KRAS: variants seen among roughly 807,000 people sequenced by gnomAD.
KRAS encodes the protein KRas proto-oncogene, GTPase, also known as GTPase KRas.
KRAS carries 1 observed loss-of-function variant against 21.0 expected under a neutral mutation model. That is an observed-to-expected ratio of 0.05 (90% confidence interval 0.02 to 0.23). The LOEUF is 0.23. Among genes scored for constraint, KRAS ranks in the 10% least tolerant of loss-of-function variants. The probability of loss-of-function intolerance (pLI) is 1.00; values close to 1 mark genes in which losing one functional copy is unlikely to be tolerated. For missense variants in KRAS, 107 were observed against 221.8 expected, an observed-to-expected ratio of 0.48 and a Z score of 3.29; for synonymous variants, 67 against 72.5, an observed-to-expected ratio of 0.92 and a Z score of 0.39.
At chr12:25,239,564 T>C (rs777167967) in intron 2 of KRAS, among the ~76,000 whole-genome samples, 2 of 152,200 alleles carry the variant, frequency 1.3e-5, no homozygotes, top group Non-Finnish European at 1.5e-5. Context: ...CACAAGTGTA[T>C]AGTTTAGCAT....
chr12:25,218,174 G>T (rs1219547870), intron 4 of KRAS, among the ~76,000 whole-genome samples: 1 of 151,162 alleles, frequency 6.6e-6, no homozygotes, highest in Admixed American at 6.6e-5. Flanking sequence ...CACAAACCAG[G>T]TAAAAGCTCA....
intron 4 of KRAS, among the ~76,000 whole-genome samples, chr12:25,220,493 C>T (rs1276215518): frequency 1.3e-5 from 2 of 152,254 alleles, no homozygotes; most frequent in Admixed American, 1.3e-4. Flanking sequence ...CTTTGGGAGG[C>T]CGAGACGGGC....
intron 4 of KRAS, among the ~76,000 whole-genome samples, chr12:25,217,784 C>T (rs542079145): frequency 1.2e-3 from 181 of 152,280 alleles, no homozygotes; most frequent in African/African-American, 4.3e-3. Flanking sequence ...GTCCCAGCTA[C>T]TCAAAAGGCT....
intron 3 of KRAS, among the ~76,000 whole-genome samples, chr12:25,226,812 G>T (rs1057371518): frequency 6.6e-6 from 1 of 152,096 alleles, no homozygotes; most frequent in Non-Finnish European, 1.5e-5. Flanking sequence ...AATATATAAT[G>T]CCACTGTTTA....
At chr12:25,226,619 T>G (rs1287884190) in intron 3 of KRAS, among the ~76,000 whole-genome samples, 1 of 152,240 alleles carries the variant, frequency 6.6e-6, no homozygotes, top group Non-Finnish European at 1.5e-5. Flanking sequence ...CTCGTTATTA[T>G]ATGACATAGC....
At position 25,240,062 on chromosome 12, in the gene KRAS, T is replaced by G. The variant is rs2135799806; in HGVS notation, c.111+5212A>C. 2.0e-5 allele frequency among the ~76,000 whole-genome samples: 3 copies of G among 152,192 alleles called. No individual in the cohort carries two copies. In the South Asian group the frequency reaches 6.2e-4, roughly 32 times the overall value. On this transcript the variant is annotated intron_variant, in intron 2 of 4. Coordinates refer to ENST00000311936, the MANE Select transcript of KRAS (RefSeq NM_004985.5). ...TTTCAATGTTTTATTTTGAAAAAAT[T>G]TCAAACCTATAGAAAAGTAGTAAAA...
chr12:25,227,674 C>G (rs992821877), intron 2 of KRAS, among the ~76,000 whole-genome samples: 2 of 151,154 alleles, frequency 1.3e-5, no homozygotes, highest in East Asian at 3.9e-4. Context: ...ATTAAAAAAA[C>G]AAAACAAAAA....
intron 3 of KRAS, 99 bp from the exon 4 acceptor site, chr12:25,225,872 C>T (rs2141506899): frequency 8.9e-7 from 1 of 1,119,270 alleles, no homozygotes; most frequent in Non-Finnish European, 1.3e-6. Flanking sequence ...TGAAAGAAAA[C>T]AATGTAATTC....
At chr12:25,223,090 A>G (rs1951348610) in intron 4 of KRAS, among the ~76,000 whole-genome samples, 1 of 152,228 alleles carries the variant, frequency 6.6e-6, no homozygotes, top group African/African-American at 2.4e-5. Context: ...ATAAGAAAAT[A>G]TAAGAAGCAC....
At chr12:25,244,213 G>C (rs1951647676) in intron 2 of KRAS, among the ~76,000 whole-genome samples, 1 of 152,140 alleles carries the variant, frequency 6.6e-6, no homozygotes, top group African/African-American at 2.4e-5. Flanking sequence ...CTTGGAACTT[G>C]AAGAAAGTTC....
intron 2 of KRAS, among the ~76,000 whole-genome samples, chr12:25,239,106 T>A (rs1951578263): frequency 6.6e-6 from 1 of 152,372 alleles, no homozygotes; most frequent in Middle Eastern, 3.4e-3. Flanking sequence ...ATTTATTGTT[T>A]GAACTTGCAT....
At chr12:25,233,690 T>C (rs903006690) in intron 2 of KRAS, 7 of 210,098 alleles carry the variant, frequency 3.3e-5, no homozygotes, top group Non-Finnish European at 6.8e-5. Flanking sequence ...GTCTATATCC[T>C]CTACTAGGCT....
At chr12:25,225,863 G>C (rs1951386184) in intron 3 of KRAS, 90 bp from the exon 4 acceptor site, 5 of 1,259,624 alleles carry the variant, frequency 4.0e-6, no homozygotes, top group Non-Finnish European at 4.5e-6. Flanking sequence ...AAATTTGGCT[G>C]AAAGAAAACA....
At chr12:25,216,727 G>T (rs1326383691) in intron 4 of KRAS, among the ~76,000 whole-genome samples, 6 of 152,170 alleles carry the variant, frequency 3.9e-5, no homozygotes, top group Admixed American at 2.6e-4. Flanking sequence ...GCCATATGGA[G>T]ATAAAAGTTT....
chr12:25,245,372 T>C lies in KRAS; in HGVS notation c.13A>G (p.Lys5Glu), dbSNP rs193929331. 6.2e-7 allele frequency: 1 copy of C among 1,611,980 alleles called. No homozygotes were observed. Among genetic ancestry groups the C allele is most frequent in the Non-Finnish European group, 8.5e-7 (1 of 1,178,808 alleles). The change falls in exon 2 of 5, where the codon AAA becomes GAA. Residue 5 changes from lysine to glutamate, a missense_variant. Lys to Glu is a moderately conservative substitution (Grantham distance 56). Coordinates refer to ENST00000311936, the MANE Select transcript of KRAS (RefSeq NM_004985.5). ...CCACCAGCTCCAACTACCACAAGTT[T>C]ATATTCAGTCATTTTCAGCAGGCCT... MTEY[K>E]LVVVGAGGVG...
At chr12:25,215,491 C>T (rs771629239) in intron 4 of KRAS, 2 of 1,611,830 alleles carry the variant, frequency 1.2e-6, no homozygotes, top group Non-Finnish European at 1.7e-6. Flanking sequence ...GTCTTTTCTT[C>T]TTTGCTGATT....
intron 2 of KRAS, among the ~76,000 whole-genome samples, chr12:25,241,413 G>A (rs1951608443): frequency 6.6e-6 from 1 of 152,202 alleles, no homozygotes; most frequent in African/African-American, 2.4e-5. Context: ...CAGCCTTGAA[G>A]AGAAATGATT....
intron 4 of KRAS, 154 bp downstream of exon 4, chr12:25,225,460 T>C: frequency 1.3e-6 from 1 of 741,024 alleles, no homozygotes; most frequent in South Asian, 1.7e-5. Context: ...GACACTGGAT[T>C]AAGAAGCAAT....
In KRAS at chr12:25,250,889, C is replaced by A; in HGVS notation, c.-150G>T. 1 of 248,042 alleles carries A rather than the reference C, an allele frequency of 4.0e-6. No individual in the cohort carries two copies. 15.4% of individuals were successfully genotyped at this position (248,042 alleles called of 1,614,324 possible). ...GCCGCCACCTTCGCCGCCGCCACTG[C>A]CGCCGCCGCTGCTGCCTCCGCCGCC... On this transcript the variant is annotated 5_prime_UTR_variant, in exon 1 of 5. Transcript: ENST00000311936.
Sources: allele counts gnomAD v4.1 joint callset (sites outside exome capture counted in the v4.1 genomes callset), GRCh38; gene constraint gnomAD v4.1.1; transcripts MANE v1.5; gene names NCBI Gene and HGNC (gene_info 2026-07-23, HGNC 2026-07-21).